Variants in GAREM1 observed in about 807,000 individuals in gnomAD.
GAREM1 encodes GRB2-associated and regulator of MAPK protein 1.
A neutral mutation model predicts 71.3 loss-of-function variants in GAREM1; 26 were observed. The observed-to-expected ratio is 0.36, with a 90% confidence interval of 0.27 to 0.51. The LOEUF is 0.51. Ranked by LOEUF, GAREM1 falls within the 20% of genes least tolerant of loss-of-function variation. The pLI is 0.95. For missense variants in GAREM1, 1,026 were observed against 1,103.1 expected, an observed-to-expected ratio of 0.93 and a Z score of 0.99; for synonymous variants, 440 against 433.2, an observed-to-expected ratio of 1.02 and a Z score of -0.20.
intron 1 of GAREM1, among the ~76,000 whole-genome samples, chr18:32,419,915 T>C (rs2048503956): frequency 6.6e-6 from 1 of 152,202 alleles, no homozygotes; most frequent in Admixed American, 6.5e-5. Context: ...AACCCATTTA[T>C]ACTTTGAGAT....
intron 1 of GAREM1, among the ~76,000 whole-genome samples, chr18:32,411,443 T>C (rs2048415089): frequency 2.0e-5 from 3 of 152,160 alleles, no homozygotes; most frequent in Non-Finnish European, 1.5e-5. Context: ...TAAAATATAC[T>C]TCATTGTACC....
In GAREM1 at chr18:32,465,556, T is replaced by TGCTAAG. The variant is rs2048991246; in HGVS notation, c.121+4751_121+4752insCTTAGC. ...CGGTCACTGCTCCTGTTCTACCTAC[T>TGCTAAG]TAGCAGTCTCCTACTCTTTTTCTTC... On this transcript the variant is annotated intron_variant, in intron 1 of 5. Transcript: ENST00000269209. Among the ~76,000 whole-genome samples the TGCTAAG allele has an allele frequency of 2.0e-5, 3 of 152,326 alleles. No individual in the cohort carries two copies. The South Asian group carries it at 6.2e-4, about 32-fold the overall frequency.
At chr18:32,416,015 T>C (rs2048462870) in intron 1 of GAREM1, among the ~76,000 whole-genome samples, 1 of 152,108 alleles carries the variant, frequency 6.6e-6, no homozygotes, top group Non-Finnish European at 1.5e-5. Context: ...GATAAACAAA[T>C]TTGGTAAAGT....
intron 4 of GAREM1, among the ~76,000 whole-genome samples, chr18:32,272,714 C>G (rs2041480761): frequency 6.6e-6 from 1 of 152,110 alleles, no homozygotes; most frequent in Admixed American, 6.5e-5. Context: ...ACCTCCGCCT[C>G]CCAGGTTCCA....
At chr18:32,321,233 T>C (rs1401146834) in intron 2 of GAREM1, among the ~76,000 whole-genome samples, 1 of 152,204 alleles carries the variant, frequency 6.6e-6, no homozygotes, top group Non-Finnish European at 1.5e-5. Context: ...TCGGCTTTTA[T>C]TTAAGTCCCT....
intron 2 of GAREM1, among the ~76,000 whole-genome samples, chr18:32,343,825 T>C (rs1243773122): frequency 6.6e-6 from 1 of 152,156 alleles, no homozygotes; most frequent in Non-Finnish European, 1.5e-5. Flanking sequence ...TGAGTGTCAG[T>C]AAGCCACCCG....
chr18:32,335,097 T>C (rs1389344694), intron 2 of GAREM1, among the ~76,000 whole-genome samples: 1 of 152,218 alleles, frequency 6.6e-6, no homozygotes, highest in Non-Finnish European at 1.5e-5. Context: ...TCCTGTCCAG[T>C]AGTCCAAGGC....
At chr18:32,333,219 T>G (rs1200674854) in intron 2 of GAREM1, among the ~76,000 whole-genome samples, 39 of 122,090 alleles carry the variant, frequency 3.2e-4, no homozygotes, top group South Asian at 5.3e-4. Context: ...GAGGAGGAGG[T>G]GGAAGAGAGA....
chr18:32,315,664 T>C (rs2047371708), intron 2 of GAREM1, among the ~76,000 whole-genome samples: 2 of 152,014 alleles, frequency 1.3e-5, no homozygotes, highest in African/African-American at 4.8e-5. Context: ...CTGGCTGTCA[T>C]ACTGGACAGT....
At chr18:32,289,121 C>T (rs1435079738) in intron 3 of GAREM1, among the ~76,000 whole-genome samples, 1 of 152,060 alleles carries the variant, frequency 6.6e-6, no homozygotes, top group African/African-American at 2.4e-5. Context: ...TCTTGCTGCC[C>T]AGGCTGGAGT....
rs534461747 is a variant in GAREM1, at chr18:32,452,441, C to T, written c.121+17867G>A. On this transcript the variant is annotated intron_variant, in intron 1 of 5. Transcript: ENST00000269209. The stretch of plus-strand genomic sequence containing the variant: ...TCAGGCGTTCCAAACCTTTGTCAGG[C>T]CACCATTCCCTCTTTAAAACCTCAC... Among the ~76,000 whole-genome samples, 12 of 152,312 alleles carry T rather than the reference C, an allele frequency of 7.9e-5. No homozygotes were observed. The South Asian group carries it at 2.5e-3, about 32-fold the overall frequency.
Position 32,267,499 on chromosome 18 carries a change from GT to G in GAREM1, c.*371del, listed in dbSNP as rs58886413. On this transcript the variant is annotated 3_prime_UTR_variant, in exon 6 of 6. Coordinates refer to ENST00000269209, the MANE Select transcript of GAREM1 (RefSeq NM_001242409.2). Reference sequence around the variant, plus strand: ...TGAAAGAAGGGACTTGTTCAAAAGTGTTTTTTTTTTTTTTTTAAAGATTTTT... The same window carrying G: ...TGAAAGAAGGGACTTGTTCAAAAGTGTTTTTTTTTTTTTTTAAAGATTTTT... The G allele has an allele frequency of 0.033, 4,712 of 143,172 alleles. 197 individuals are homozygous for G. Among genetic ancestry groups the G allele is most frequent in the African/African-American group, 0.1 (4,003 of 39,202 alleles). The allele number at this position is 143,172 out of a possible 1,614,324, so 8.9% of individuals were successfully genotyped here. A position where few individuals can be genotyped will look rare whatever the true frequency, so the allele number is the denominator to read the frequency against.
At chr18:32,396,142 C>T (rs1457666462) in intron 1 of GAREM1, among the ~76,000 whole-genome samples, 2 of 152,118 alleles carry the variant, frequency 1.3e-5, no homozygotes, top group Non-Finnish European at 2.9e-5. Flanking sequence ...GAAAGGACAT[C>T]CACACCAAAA....
At chr18:32,290,334 G>T (rs1460859049) in intron 3 of GAREM1, 1 of 152,032 alleles carries the variant, frequency 6.6e-6, no homozygotes, top group Non-Finnish European at 1.5e-5. Context: ...GAAAACAAGA[G>T]AAATAAAGTC....
At chr18:32,430,510 G>A (rs2048613474) in intron 1 of GAREM1, among the ~76,000 whole-genome samples, 1 of 152,296 alleles carries the variant, frequency 6.6e-6, no homozygotes, top group South Asian at 2.1e-4. Context: ...TCAGTCTGGA[G>A]ATCCACAGCC....
At chr18:32,359,811 A>G (rs2047846403) in intron 2 of GAREM1, among the ~76,000 whole-genome samples, 1 of 152,086 alleles carries the variant, frequency 6.6e-6, no homozygotes, top group Non-Finnish European at 1.5e-5. Flanking sequence ...CTGTAGTCCC[A>G]GTTACATGGG....
intron 5 of GAREM1, among the ~76,000 whole-genome samples, chr18:32,269,371 G>A (rs2041424231): frequency 6.6e-6 from 1 of 152,220 alleles, no homozygotes; most frequent in Non-Finnish European, 1.5e-5. Context: ...AAACTGTAAT[G>A]AGCACATGTG....
intron 3 of GAREM1, 26 bp downstream of exon 3, chr18:32,310,167 A>C (rs1392105838): frequency 6.2e-7 from 1 of 1,612,298 alleles, no homozygotes; most frequent in African/African-American, 1.3e-5. Flanking sequence ...GTGAGTATAA[A>C]TATTTGGTGC....
chr18:32,268,325 G>A lies in GAREM1; in HGVS notation c.2177C>T (p.Pro726Leu). ...TKQSTSCPALPPRAPKLVEEK... is the reference protein window; with the variant it reads ...TKQSTSCPALLPRAPKLVEEK... ...TTCCACTAGTTTTGGAGCCCTGGGG[G>A]GTAAGGCAGGGCATGACGTACTCTG... The change falls in exon 6 of 6, where the codon CCC (proline) becomes CTC (leucine). Residue 726 changes from proline to leucine, a missense_variant. Pro to Leu is a moderately conservative substitution (Grantham distance 98). Around this residue, in one of 3 missense-constraint regions of GAREM1, gnomAD observed 636 missense variants for 631.2 expected, o/e 1.01. Transcript: ENST00000269209. 1.2e-6 allele frequency: 2 copies of A among 1,614,066 alleles called. No homozygotes were observed. Among genetic ancestry groups the A allele is most frequent in the Non-Finnish European group, 1.7e-6 (2 of 1,179,986 alleles).
Sources: gnomAD v4.1 joint callset for allele counts (sites outside exome capture counted in the v4.1 genomes callset) on GRCh38, gnomAD v4.1.1 for gene constraint, gnomAD v4.1.1 regional missense constraint, MANE v1.5 for transcripts, NCBI Gene and HGNC (gene_info 2026-07-23, HGNC 2026-07-21) for gene names.